Variants in GALNT6 observed in about 807,000 individuals in gnomAD.
GALNT6 encodes the protein GalNAc transferase 6.
GALNT6 carries 51 observed loss-of-function variants against 65.9 expected under a neutral mutation model. The ratio of observed to expected loss-of-function variants is 0.77; its 90% CI spans 0.62 to 0.98. GALNT6 has a LOEUF of 0.98. Ranked by LOEUF, GALNT6 falls within the 50% of genes least tolerant of loss-of-function variation. The pLI is 0.00. For missense variants in GALNT6, 708 were observed against 803.3 expected, an observed-to-expected ratio of 0.88 and a Z score of 1.43; for synonymous variants, 323 against 315.1, an observed-to-expected ratio of 1.02 and a Z score of -0.26.
rs1274402107 is a variant in GALNT6, at chr12:51,381,801, T to C, written c.-103-1917A>G. Among the ~76,000 whole-genome samples the C allele has an allele frequency of 2.6e-5, 4 of 152,364 alleles. No homozygotes were observed. The South Asian group carries it at 8.3e-4, about 32-fold the overall frequency. ...CCTGTCACACTAAGCCCTCAATAAA[T>C]GGTATCAACTATTTCTATTATTATG... On this transcript the variant is annotated intron_variant, in intron 2 of 11. Transcript: ENST00000356317.
At chr12:51,381,296 A>G (rs1458358624) in intron 2 of GALNT6, among the ~76,000 whole-genome samples, 2 of 152,248 alleles carry the variant, frequency 1.3e-5, no homozygotes, top group African/African-American at 2.4e-5. Flanking sequence ...AAAAGAATTT[A>G]ACAGAAACCT....
chr12:51,377,284 G>A lies in GALNT6; in HGVS notation c.575C>T (p.Thr192Ile), dbSNP rs1336807270. The change falls in exon 4 of 12, where the codon ACA becomes ATA. Residue 192 changes from threonine (T) to isoleucine (I), a missense_variant. By Grantham distance (89) the Thr-to-Ile change is moderately conservative. Transcript: ENST00000356317. ...IIVFHNEAWS[T>I]LLRTVYSVLH... ...GACGCTGTACACTGTTCGCAGCAGT[G>A]TGGACCAGGCTTCGTTGTGGAACAC... 1.2e-6 allele frequency: 2 copies of A among 1,613,758 alleles called. No individual in the cohort carries two copies. Among genetic ancestry groups the A allele is most frequent in the Non-Finnish European group, 1.7e-6 (2 of 1,180,006 alleles).
intron 4 of GALNT6, among the ~76,000 whole-genome samples, chr12:51,371,005 T>A (rs1363944869): frequency 6.6e-6 from 1 of 151,910 alleles, no homozygotes; most frequent in African/African-American, 2.4e-5. Flanking sequence ...CCAAACACTG[T>A]CGGTGGCTTA....
At chr12:51,386,191 G>A (rs979890713) in intron 2 of GALNT6, among the ~76,000 whole-genome samples, 7 of 152,160 alleles carry the variant, frequency 4.6e-5, no homozygotes, top group African/African-American at 7.2e-5. Flanking sequence ...TTTTATCAAC[G>A]GCGAGGCCAG....
chr12:51,368,918 G>A (rs1947198584), intron 4 of GALNT6, among the ~76,000 whole-genome samples: 1 of 152,206 alleles, frequency 6.6e-6, no homozygotes, highest in African/African-American at 2.4e-5. Flanking sequence ...CTCCACAAAT[G>A]TCTGTCAATG....
intron 2 of GALNT6, among the ~76,000 whole-genome samples, chr12:51,386,528 T>C (rs1461939368): frequency 6.6e-6 from 1 of 152,158 alleles, no homozygotes. Flanking sequence ...TTTGTAACAA[T>C]GTTTCTTTCT....
chr12:51,388,995 T>G (rs975771591), intron 2 of GALNT6, among the ~76,000 whole-genome samples: 1 of 152,198 alleles, frequency 6.6e-6, no homozygotes, highest in African/African-American at 2.4e-5. Flanking sequence ...GTCCTTCTCC[T>G]CCCTGGAGTG....
At chr12:51,359,014 G>T in intron 8 of GALNT6, 118 bp downstream of exon 8, 1 of 776,930 alleles carries the variant, frequency 1.3e-6, no homozygotes. Context: ...GTCCCTGAGG[G>T]TGAAGGGAGG....
intron 5 of GALNT6, among the ~76,000 whole-genome samples, chr12:51,364,881 T>C (rs1439689662): frequency 1.3e-5 from 2 of 152,178 alleles, no homozygotes; most frequent in Non-Finnish European, 2.9e-5. Flanking sequence ...TCATTCCTAT[T>C]TTATAAATGA....
chr12:51,389,064 G>C (rs1279161742), intron 2 of GALNT6, among the ~76,000 whole-genome samples: 1 of 152,150 alleles, frequency 6.6e-6, no homozygotes, highest in Non-Finnish European at 1.5e-5. Flanking sequence ...CATTGAGCTC[G>C]ACACAGAGAC....
rs1947651504 is a variant in GALNT6, at chr12:51,380,977, T to C, written c.-103-1093A>G. Among the ~76,000 whole-genome samples, 5 of 151,930 alleles carry C rather than the reference T, an allele frequency of 3.3e-5. No individual in the cohort carries two copies. In the South Asian group the frequency reaches 1.0e-3, roughly 32 times the overall value. ...TTTATAAATATTTCTTGGCCAAGCA[T>C]GGTGTAATCCCAGCACTTTGGGAGG... On this transcript the variant is annotated intron_variant, in intron 2 of 11. Transcript: ENST00000356317.
intron 2 of GALNT6, among the ~76,000 whole-genome samples, chr12:51,388,576 G>A (rs1241355304): frequency 6.6e-6 from 1 of 152,092 alleles, no homozygotes; most frequent in Non-Finnish European, 1.5e-5. Context: ...CAGTTTCTAG[G>A]TGTTATTTGT....
intron 5 of GALNT6, among the ~76,000 whole-genome samples, chr12:51,364,815 A>G (rs1460221932): frequency 1.3e-5 from 2 of 152,208 alleles, no homozygotes; most frequent in Non-Finnish European, 1.5e-5. Flanking sequence ...TTCTGCACGT[A>G]TTATTACTTC....
chr12:51,372,416 C>A (rs1463153059), intron 4 of GALNT6, among the ~76,000 whole-genome samples: 2 of 152,078 alleles, frequency 1.3e-5, no homozygotes, highest in African/African-American at 4.8e-5. Context: ...ACTATGTTGC[C>A]CAGGATGGTC....
chr12:51,355,869 C>T lies in GALNT6; in HGVS notation c.1692G>A (p.Gly564=). The change falls in exon 11 of 12, where the codon GGG becomes GGA. Residue 564 remains glycine, a synonymous_variant. Transcript: ENST00000356317. ...TATTCTTGCCAGTGAAGTGACAGCT[C>T]CCAAGGCCCAGAGCACCCTTGCTGA... ...LHVSKGALGL[G]SCHFTGKNSQ... is the part of the protein sequence containing the mutation. 1 of 1,613,946 alleles carries T rather than the reference C, an allele frequency of 6.2e-7. No individual in the cohort carries two copies. Among genetic ancestry groups the T allele is most frequent in the South Asian group, 1.1e-5 (1 of 91,084 alleles).
At chr12:51,386,395 T>C (rs991014344) in intron 2 of GALNT6, among the ~76,000 whole-genome samples, 10 of 152,198 alleles carry the variant, frequency 6.6e-5, no homozygotes, top group African/African-American at 2.4e-4. Flanking sequence ...GGCATTTGCC[T>C]TCCTCCCACT....
At chr12:51,366,572 G>C (rs1318604717) in intron 4 of GALNT6, among the ~76,000 whole-genome samples, 1 of 152,166 alleles carries the variant, frequency 6.6e-6, no homozygotes, top group Non-Finnish European at 1.5e-5. Flanking sequence ...AGCCCAGCCG[G>C]CTTGACCATT....
At chr12:51,369,764 T>C (rs1018270895) in intron 4 of GALNT6, among the ~76,000 whole-genome samples, 1 of 152,152 alleles carries the variant, frequency 6.6e-6, no homozygotes, top group Admixed American at 6.5e-5. Flanking sequence ...TGCTCTAACC[T>C]GGAAGTCATG....
chr12:51,384,417 C>T (rs992288071), intron 2 of GALNT6, among the ~76,000 whole-genome samples: 1 of 152,176 alleles, frequency 6.6e-6, no homozygotes, highest in Admixed American at 6.5e-5. Context: ...TAGGACCAGG[C>T]ACAGTGGCTC....
Sources: gnomAD v4.1 joint callset for allele counts (sites outside exome capture counted in the v4.1 genomes callset) on GRCh38, gnomAD v4.1.1 for gene constraint, MANE v1.5 for transcripts, NCBI Gene and HGNC (gene_info 2026-07-23, HGNC 2026-07-21) for gene names.